PARD3B: variants seen among roughly 807,000 people sequenced by gnomAD.
PARD3B encodes the protein par-3 family cell polarity regulator beta, also known as partitioning defective 3 homolog B.
PARD3B carries 103 observed loss-of-function variants against 130.2 expected under a neutral mutation model. That is an observed-to-expected ratio of 0.79 (90% CI 0.67 to 0.93). The LOEUF (loss-of-function observed/expected upper bound fraction) is 0.93, where lower values mean the gene tolerates loss of function less well. PARD3B is among the 40% of genes least tolerant of loss of function. The pLI is 0.00. For missense variants in PARD3B, 1,609 were observed against 1,499.2 expected, an observed-to-expected ratio of 1.07 and a Z score of -1.21; for synonymous variants, 583 against 553.2, an observed-to-expected ratio of 1.05 and a Z score of -0.76.
chr2:205,019,348 A>G (rs1304943769), intron 3 of PARD3B, among the ~76,000 whole-genome samples: 1 of 152,130 alleles, frequency 6.6e-6, no homozygotes, highest in Non-Finnish European at 1.5e-5. Flanking sequence ...ATAATATTTC[A>G]TTTTATGGAT....
intron 3 of PARD3B, among the ~76,000 whole-genome samples, chr2:204,983,794 T>C (rs1366171712): frequency 6.6e-6 from 1 of 152,210 alleles, no homozygotes; most frequent in African/African-American, 2.4e-5. Context: ...ATAACTCTTT[T>C]AAGCCTCTCC....
At chr2:204,639,640 A>G (rs2035005042) in intron 1 of PARD3B, among the ~76,000 whole-genome samples, 1 of 152,164 alleles carries the variant, frequency 6.6e-6, no homozygotes, top group African/African-American at 2.4e-5. Flanking sequence ...TTAAAACTAT[A>G]GGGGAAGATG....
chr2:204,741,215 G>A (rs2039996013), intron 2 of PARD3B, among the ~76,000 whole-genome samples: 1 of 152,138 alleles, frequency 6.6e-6, no homozygotes, highest in African/African-American at 2.4e-5. Context: ...TACTGATATA[G>A]TGATATAAAA....
chr2:204,854,518 T>C (rs982338768), intron 2 of PARD3B, among the ~76,000 whole-genome samples: 3 of 152,088 alleles, frequency 2.0e-5, no homozygotes, highest in Admixed American at 6.5e-5. Context: ...ATAATGATAA[T>C]GAAGCAGAAA....
intron 1 of PARD3B, among the ~76,000 whole-genome samples, chr2:204,615,974 A>G (rs919598209): frequency 4.6e-5 from 7 of 152,170 alleles, no homozygotes; most frequent in African/African-American, 1.7e-4. Context: ...AGGTATTGAC[A>G]AAGCCTAAAA....
At chr2:205,560,917 G>A (rs755672124) in intron 22 of PARD3B, among the ~76,000 whole-genome samples, 9 of 152,128 alleles carry the variant, frequency 5.9e-5, no homozygotes, top group East Asian at 1.9e-4. Context: ...CATTGGGTAC[G>A]ATTGTGTTCG....
chr2:205,335,706 G>A (rs1208365207), intron 18 of PARD3B, among the ~76,000 whole-genome samples: 1 of 152,126 alleles, frequency 6.6e-6, no homozygotes, highest in East Asian at 1.9e-4. Context: ...CACAATCATG[G>A]CAGAAGGCAA....
At chr2:205,051,007 C>A (rs1699153498) in intron 4 of PARD3B, among the ~76,000 whole-genome samples, 1 of 152,114 alleles carries the variant, frequency 6.6e-6, no homozygotes, top group South Asian at 2.1e-4. Flanking sequence ...TGGCACCCTG[C>A]ATATAGCCCT....
Position 205,083,657 on chromosome 2 carries a change from G to T in PARD3B, c.505-20769G>T, listed in dbSNP as rs111452398. On this transcript the variant is annotated intron_variant, in intron 4 of 22. Coordinates refer to ENST00000406610, the MANE Select transcript of PARD3B (RefSeq NM_001302769.2). ...AACAATTTTTGCCCTCAAAATTAAT[G>T]ATTTCAAATGTGGCTGTATTTTCTA... is the stretch of plus-strand genomic sequence containing the variant. Among the ~76,000 whole-genome samples, 949 of 150,682 alleles carry T rather than the reference G, an allele frequency of 6.3e-3. 16 individuals are homozygous for T. The highest frequency in any genetic ancestry group is 0.022 in the African/African-American group (899 of 41,138).
chr2:205,397,751 G>A lies in PARD3B; in HGVS notation c.2631-3262G>A, dbSNP rs1270171048. Among the ~76,000 whole-genome samples, 11 of 152,044 alleles carry A rather than the reference G, an allele frequency of 7.2e-5. No homozygotes were observed. Among genetic ancestry groups the A allele is most frequent in the Admixed American group, 6.5e-4 (10 of 15,274 alleles). ...ATTATTTCTACCCTGACTCCCCACC[G>A]TGTTGAATATTTTGCCCAAACATTA... On this transcript the variant is annotated intron_variant, in intron 18 of 22. Transcript: ENST00000406610. This position sits in a 1 kb window ranked among gnomAD's most constrained non-coding sequence, Gnocchi z 4.8.
At chr2:205,109,276 G>A (rs182187286) in intron 5 of PARD3B, among the ~76,000 whole-genome samples, 2 of 152,230 alleles carry the variant, frequency 1.3e-5, no homozygotes, top group African/African-American at 4.8e-5. Flanking sequence ...TCTGTAGTCC[G>A]CCTCTCATAC....
At chr2:205,220,911 A>G (rs1022578520) in intron 15 of PARD3B, among the ~76,000 whole-genome samples, 1 of 152,186 alleles carries the variant, frequency 6.6e-6, no homozygotes, top group Non-Finnish European at 1.5e-5. Context: ...ACCCTGATCC[A>G]GGGCAGAGCT....
chr2:204,651,056 A>G (rs189613112), intron 1 of PARD3B, among the ~76,000 whole-genome samples: 87 of 152,208 alleles, frequency 5.7e-4, no homozygotes, highest in African/African-American at 1.9e-3. Context: ...TTGAGATGAG[A>G]TTTGGGTGAG....
In PARD3B at chr2:205,021,141, A is replaced by C. The variant is rs1696567784; in HGVS notation, c.395-26440A>C. Among the ~76,000 whole-genome samples, 2 of 152,180 alleles carry C rather than the reference A, an allele frequency of 1.3e-5. No homozygotes were observed. The highest frequency in any genetic ancestry group is 4.8e-5 in the African/African-American group (2 of 41,444). ...CCAGAAATTTCTAATACAGCAAATA[A>C]AGCAAATTGGAATGATTTCATGAAC... On this transcript the variant is annotated intron_variant, in intron 3 of 22. Transcript: ENST00000406610. This position sits in a 1 kb window ranked among gnomAD's most constrained non-coding sequence, Gnocchi z 4.5.
Position 204,790,555 on chromosome 2 carries a change from C to T in PARD3B, c.222+104273C>T, listed in dbSNP as rs1190091599. Among the ~76,000 whole-genome samples the T allele has an allele frequency of 3.9e-5, 6 of 152,244 alleles. No individual in the cohort carries two copies. In the East Asian group the frequency reaches 9.7e-4, roughly 25 times the overall value. On this transcript the variant is annotated intron_variant, in intron 2 of 22. Coordinates refer to ENST00000406610, the MANE Select transcript of PARD3B (RefSeq NM_001302769.2). The stretch of plus-strand genomic sequence containing the variant: ...TTTACATTCTGGTACCAGTGACTGA[C>T]TGAATGAATTTTATAATGTGGAGTT...
chr2:204,797,498 T>C (rs1216365823), intron 2 of PARD3B, among the ~76,000 whole-genome samples: 1 of 152,196 alleles, frequency 6.6e-6, no homozygotes, highest in Non-Finnish European at 1.5e-5. Context: ...TGTATTATGC[T>C]GTTCTCATAA....
intron 2 of PARD3B, among the ~76,000 whole-genome samples, chr2:204,891,892 T>G (rs1387093176): frequency 6.6e-6 from 1 of 152,226 alleles, no homozygotes. Context: ...GCCTCTTTAC[T>G]TTGTAATTAG....
At chr2:205,349,640 T>C (rs2043920585) in intron 18 of PARD3B, among the ~76,000 whole-genome samples, 1 of 151,988 alleles carries the variant, frequency 6.6e-6, no homozygotes. Flanking sequence ...TTTCCAGAGA[T>C]AAAAATCAAA....
At chr2:205,063,059 T>C (rs1212243651) in intron 4 of PARD3B, among the ~76,000 whole-genome samples, 2 of 152,072 alleles carry the variant, frequency 1.3e-5, no homozygotes, top group Middle Eastern at 3.2e-3. Context: ...CTCTGGTCAG[T>C]GTTTTCTTAG....
Sources: gnomAD v4.1 joint callset for allele counts (sites outside exome capture counted in the v4.1 genomes callset) on GRCh38, gnomAD v4.1.1 for gene constraint, Gnocchi (gnomAD v3.1) non-coding constraint, MANE v1.5 for transcripts, NCBI Gene and HGNC (gene_info 2026-07-23, HGNC 2026-07-21) for gene names.